ZSWIM7: variants seen among roughly 807,000 people sequenced by gnomAD.
ZSWIM7 encodes the protein zinc finger SWIM domain-containing protein 7.
In ZSWIM7, 22 loss-of-function variants were observed where a neutral mutation model predicts 21.1. The observed-to-expected ratio is 1.04, with a 90% CI of 0.74 to 1.49. The LOEUF (loss-of-function observed/expected upper bound fraction) is 1.49. Among genes scored for constraint, ZSWIM7 ranks in the 40% most tolerant of loss-of-function variants. ZSWIM7 has a pLI of 0.00. For missense variants in ZSWIM7, 193 were observed against 168.0 expected, an observed-to-expected ratio of 1.15 and a Z score of -0.82; for synonymous variants, 67 against 66.5, an observed-to-expected ratio of 1.01 and a Z score of -0.04.
intron 1 of ZSWIM7, among the ~76,000 whole-genome samples, chr17:15,995,424 C>T (rs760101707): frequency 1.4e-4 from 21 of 150,704 alleles, no homozygotes; most frequent in Admixed American, 5.9e-4. Context: ...TGCACCACCA[C>T]GCCCAGCTAA....
rs1478384852 is a variant in ZSWIM7, at chr17:15,981,127, A to C, written c.219T>G (p.Ser73Arg). ...AAGAAGCCAAACATGTGTATGTTTT[A>C]CTGGAACTTCCAAGGACCTACAAAG... is the stretch of plus-strand genomic sequence containing the variant. ...RRVYQVLGSS[S>R]KTYTCLASCH... is the part of the protein sequence containing the mutation. Residue 73 changes from serine (S) to arginine (R), a missense_variant, in exon 4 of 5, where the codon AGT (serine) becomes AGG (arginine). Transcript: ENST00000399277. 1.2e-6 allele frequency: 2 copies of C among 1,613,570 alleles called. No individual in the cohort carries two copies. Among genetic ancestry groups the C allele is most frequent in the African/African-American group, 1.3e-5 (1 of 74,924 alleles).
At chr17:15,997,522 A>C (rs1416430994) in intron 1 of ZSWIM7, among the ~76,000 whole-genome samples, 1 of 152,254 alleles carries the variant, frequency 6.6e-6, no homozygotes, top group Non-Finnish European at 1.5e-5. Flanking sequence ...AAAAGTAATC[A>C]TAGCTTCCTA....
intron 1 of ZSWIM7, among the ~76,000 whole-genome samples, chr17:15,994,025 T>C (rs1970517226): frequency 6.6e-6 from 1 of 152,200 alleles, no homozygotes; most frequent in Admixed American, 6.5e-5. Flanking sequence ...CTCAGCTCAC[T>C]GCAACCTCCG....
chr17:15,980,490 GA>G (rs1037973999), intron 4 of ZSWIM7: 4 of 152,368 alleles, frequency 2.6e-5, no homozygotes, highest in Admixed American at 2.6e-4. Context: ...GCAAGACTTA[GA>G]AAACAGCTGC....
intron 4 of ZSWIM7, among the ~76,000 whole-genome samples, chr17:15,979,833 C>T (rs552930522): frequency 1.7e-5 from 2 of 115,674 alleles, no homozygotes; most frequent in African/African-American, 7.1e-5. Flanking sequence ...GGGGCTGACC[C>T]CCCCACCTCC....
At chr17:15,979,640 G>T (rs1364991273) in intron 4 of ZSWIM7, among the ~76,000 whole-genome samples, 1 of 132,684 alleles carries the variant, frequency 7.5e-6, no homozygotes, top group Non-Finnish European at 1.6e-5. Flanking sequence ...CCTCCCTCCC[G>T]GACGGGGCGG....
intron 4 of ZSWIM7, 38 bp from the exon 5 acceptor site, chr17:15,978,201 AG>A: frequency 6.6e-7 from 1 of 1,522,714 alleles, no homozygotes; most frequent in Non-Finnish European, 9.1e-7. Context: ...AGAAACAGGC[AG>A]GGCCAGGGCT....
At chr17:15,998,262 T>A (rs983121575) in intron 1 of ZSWIM7, among the ~76,000 whole-genome samples, 6 of 152,198 alleles carry the variant, frequency 3.9e-5, no homozygotes, top group Non-Finnish European at 7.3e-5. Context: ...ATCAGTTGGC[T>A]TTTTTCCCAT....
intron 1 of ZSWIM7, among the ~76,000 whole-genome samples, chr17:15,999,077 G>A (rs1970620835): frequency 6.6e-6 from 1 of 152,118 alleles, no homozygotes; most frequent in African/African-American, 2.4e-5. Flanking sequence ...GTGTATGGAA[G>A]CATTAACTTT....
At chr17:15,987,798 C>G (rs1249081311) in intron 2 of ZSWIM7, among the ~76,000 whole-genome samples, 3 of 152,046 alleles carry the variant, frequency 2.0e-5, no homozygotes, top group East Asian at 1.9e-4. Context: ...TTAGTAGAAA[C>G]AGGGTTTCTC....
chr17:15,982,271 A>G (rs1255908461), intron 3 of ZSWIM7, among the ~76,000 whole-genome samples: 1 of 152,102 alleles, frequency 6.6e-6, no homozygotes, highest in Non-Finnish European at 1.5e-5. Context: ...GCAGCCAAAA[A>G]CTTTTTGTTG....
At chr17:15,992,983 A>G (rs564178431) in intron 2 of ZSWIM7, among the ~76,000 whole-genome samples, 67 of 152,258 alleles carry the variant, frequency 4.4e-4, no homozygotes, top group African/African-American at 1.6e-3. Flanking sequence ...GGTTCAAGCA[A>G]TTCTCCTGCC....
intron 2 of ZSWIM7, chr17:15,991,043 G>C (rs750771335): frequency 6.6e-6 from 1 of 152,164 alleles, no homozygotes; most frequent in Non-Finnish European, 1.5e-5. Flanking sequence ...GGGAGGCAGA[G>C]GCTGCAGTGA....
intron 2 of ZSWIM7, among the ~76,000 whole-genome samples, chr17:15,991,485 C>T (rs1970481626): frequency 6.6e-6 from 1 of 152,128 alleles, no homozygotes; most frequent in Admixed American, 6.5e-5. Context: ...CCCCTTTCCC[C>T]ATATTTGTGT....
chr17:15,995,575 TAAAAAAAAAAA>T (rs550832963), intron 1 of ZSWIM7, among the ~76,000 whole-genome samples: 1 of 100,260 alleles, frequency 1.0e-5, no homozygotes, highest in Non-Finnish European at 2.0e-5. Flanking sequence ...CCCTGTCTCT[TAAAAAAAAAAA>T]AAAAAAAAAA....
chr17:15,987,345 G>A lies in ZSWIM7; in HGVS notation c.122C>T (p.Ser41Leu). 6.2e-7 allele frequency: 1 copy of A among 1,613,280 alleles called. No homozygotes were observed. The highest frequency in any genetic ancestry group is 8.5e-7 in the Non-Finnish European group (1 of 1,179,646). Reference protein sequence around the residue: ...LLSLKFLFGSSATQALDLVDR... With the variant: ...LLSLKFLFGSLATQALDLVDR... ...AACTAGGTCCAAGGCCTGGGTGGCTGATGAGCCAAAGAGAAACTTCAGCCT... is the reference window on the plus strand; with the variant it reads ...AACTAGGTCCAAGGCCTGGGTGGCTAATGAGCCAAAGAGAAACTTCAGCCT... The change falls in exon 3 of 5, where the codon TCA becomes TTA. Residue 41 changes from serine (S) to leucine (L), a missense_variant. Coordinates refer to ENST00000399277, the MANE Select transcript of ZSWIM7 (RefSeq NM_001042697.2).
chr17:15,998,374 G>C (rs1044903176), intron 1 of ZSWIM7, among the ~76,000 whole-genome samples: 1 of 152,102 alleles, frequency 6.6e-6, no homozygotes, highest in Non-Finnish European at 1.5e-5. Context: ...AAACAAAGTT[G>C]GCTTATTTTT....
rs140668914 is a variant in ZSWIM7, at chr17:15,989,616, C to A, written c.99-2248G>T. On this transcript the variant is annotated intron_variant, in intron 2 of 4. Coordinates refer to ENST00000399277, the MANE Select transcript of ZSWIM7 (RefSeq NM_001042697.2). The stretch of plus-strand genomic sequence containing the variant: ...TACAGGTGTGAGCCAGCGTGTCTGG[C>A]CTTTTTGTTTGTTTGTTTTTTGTTT... Among the ~76,000 whole-genome samples the A allele has an allele frequency of 7.2e-5, 11 of 151,990 alleles. No individual in the cohort carries two copies. In the East Asian group the frequency reaches 1.9e-3, roughly 27 times the overall value.
At chr17:15,988,696 C>T (rs73276065) in intron 2 of ZSWIM7, among the ~76,000 whole-genome samples, 4,873 of 151,862 alleles carry the variant, frequency 0.032, 261 homozygotes, top group African/African-American at 0.11. Context: ...AAAGTGAAAA[C>T]AGCACTCCCA....
Sources: allele counts gnomAD v4.1 joint callset (sites outside exome capture counted in the v4.1 genomes callset), GRCh38; gene constraint gnomAD v4.1.1; transcripts MANE v1.5; gene names NCBI Gene and HGNC (gene_info 2026-07-23, HGNC 2026-07-21).